The following CNOT6L variants were observed in gnomAD, a reference collection of about 807,000 sequenced individuals.
CNOT6L encodes CCR4-NOT transcription complex subunit 6-like.
In CNOT6L, 7 loss-of-function variants were observed where a neutral mutation model predicts 64.0. The observed-to-expected ratio is 0.11, with a 90% CI of 0.06 to 0.21. The LOEUF is 0.21. Ranked by LOEUF, CNOT6L falls within the 10% of genes least tolerant of loss-of-function variation. The pLI is 1.00. For synonymous variants in CNOT6L, 193 were observed against 243.4 expected, an observed-to-expected ratio of 0.79 and a Z score of 1.93; for missense variants, 245 against 669.0, an observed-to-expected ratio of 0.37 and a Z score of 6.99.
intron 6 of CNOT6L, among the ~76,000 whole-genome samples, chr4:77,746,448 G>A (rs1423752916): frequency 6.6e-6 from 1 of 152,068 alleles, no homozygotes; most frequent in Non-Finnish European, 1.5e-5. Flanking sequence ...TGCATCAGAA[G>A]TAAAATGCAT....
chr4:77,810,313 A>G (rs1429837946), intron 1 of CNOT6L, among the ~76,000 whole-genome samples: 1 of 152,212 alleles, frequency 6.6e-6, no homozygotes, highest in African/African-American at 2.4e-5. Context: ...ACTTTACCTT[A>G]CTGAGCAAAG....
intron 5 of CNOT6L, among the ~76,000 whole-genome samples, chr4:77,750,719 A>G (rs1724762031): frequency 6.6e-6 from 1 of 152,222 alleles, no homozygotes. Flanking sequence ...TGACAAAACA[A>G]AGAAATAAAG....
At chr4:77,778,303 T>C (rs936124204) in intron 1 of CNOT6L, among the ~76,000 whole-genome samples, 1 of 152,040 alleles carries the variant, frequency 6.6e-6, no homozygotes, top group Non-Finnish European at 1.5e-5. Flanking sequence ...CCAAATCAAA[T>C]AGATCTAGAT....
chr4:77,818,903 C>T (rs1245400086), intron 1 of CNOT6L: 6 of 534,428 alleles, frequency 1.1e-5, no homozygotes, highest in Non-Finnish European at 2.1e-5. Flanking sequence ...GCAGCTCTCC[C>T]AGCCCCGCTG....
intron 4 of CNOT6L, among the ~76,000 whole-genome samples, chr4:77,760,795 C>T (rs1418177442): frequency 6.9e-6 from 1 of 145,788 alleles, no homozygotes; most frequent in Non-Finnish European, 1.5e-5. Flanking sequence ...CTCCCAGGTT[C>T]ACGCCATTCT....
chr4:77,779,903 G>A (rs1431387064), intron 1 of CNOT6L, among the ~76,000 whole-genome samples: 1 of 152,180 alleles, frequency 6.6e-6, no homozygotes, highest in African/African-American at 2.4e-5. Context: ...GGCGGAGCTT[G>A]CAGTGAGACG....
chr4:77,732,595 G>A (rs1364467511), intron 8 of CNOT6L, among the ~76,000 whole-genome samples: 1 of 151,978 alleles, frequency 6.6e-6, no homozygotes, highest in East Asian at 1.9e-4. Context: ...CGTGTCAGCT[G>A]GACTGACAAG....
At chr4:77,801,313 A>G (rs1731522313) in intron 1 of CNOT6L, among the ~76,000 whole-genome samples, 1 of 152,194 alleles carries the variant, frequency 6.6e-6, no homozygotes, top group Non-Finnish European at 1.5e-5. Context: ...CAAAAGCAAC[A>G]AAGCAAACTA....
chr4:77,814,312 T>G (rs986811816), intron 1 of CNOT6L, among the ~76,000 whole-genome samples: 2 of 152,186 alleles, frequency 1.3e-5, no homozygotes, highest in African/African-American at 4.8e-5. Flanking sequence ...GTTGCACAAT[T>G]GTTAATATAC....
chr4:77,715,316 T>C lies in CNOT6L; in HGVS notation c.*5115A>G, dbSNP rs914075693. ...TGTTTCTGATGACATACTTCTAAAA[T>C]GCAGTTCAATGCTACTCAGTTTATA... is the stretch of plus-strand genomic sequence containing the variant. On this transcript the variant is annotated 3_prime_UTR_variant, in exon 12 of 12. Coordinates refer to ENST00000504123, the MANE Select transcript of CNOT6L (RefSeq NM_144571.3). 2 of 152,066 alleles carry C rather than the reference T, an allele frequency of 1.3e-5. No individual in the cohort carries two copies. Among genetic ancestry groups the C allele is most frequent in the South Asian group, 2.1e-4 (1 of 4,830 alleles). The allele number at this position is 152,066 out of a possible 1,614,324, so 9.4% of individuals were successfully genotyped here.
chr4:77,725,023 C>G (rs1450462044), intron 11 of CNOT6L, among the ~76,000 whole-genome samples: 1 of 152,100 alleles, frequency 6.6e-6, no homozygotes, highest in Non-Finnish European at 1.5e-5. Flanking sequence ...GAGCTTTTTC[C>G]CAAAAAGCTC....
At chr4:77,804,155 C>G (rs183906887) in intron 1 of CNOT6L, among the ~76,000 whole-genome samples, 1 of 152,158 alleles carries the variant, frequency 6.6e-6, no homozygotes, top group Non-Finnish European at 1.5e-5. Context: ...TGGCCGGGCA[C>G]AGTGGTTCAT....
In CNOT6L at chr4:77,774,664, C is replaced by T. The variant is rs1420119739; in HGVS notation, c.180G>A (p.Ala60=). The change falls in exon 3 of 12, where the codon GCG becomes GCA. Residue 60 remains alanine (A), a synonymous_variant. Transcript: ENST00000504123. ...TSLWSLTHLT[A]LHLNDNYLSR... ...TAAGGTAATTGTCATTTAGGTGCAG[C>T]GCTGTCAAGTGTGTCAATGACCAAA... is the stretch of plus-strand genomic sequence containing the variant. The T allele has an allele frequency of 3.7e-6, 6 of 1,612,902 alleles. No individual in the cohort carries two copies. The South Asian group carries it at 4.4e-5, about 12-fold the overall frequency.
At chr4:77,723,659 CTATT>C (rs1174486218) in intron 11 of CNOT6L, among the ~76,000 whole-genome samples, 4 of 152,122 alleles carry the variant, frequency 2.6e-5, no homozygotes, top group Admixed American at 2.0e-4. Context: ...TCCAGCCAGC[CTATT>C]TATCTTCCCA....
chr4:77,800,592 C>T (rs567425645), intron 1 of CNOT6L, among the ~76,000 whole-genome samples: 2 of 152,206 alleles, frequency 1.3e-5, no homozygotes, highest in Non-Finnish European at 2.9e-5. Flanking sequence ...TAACAGCCAT[C>T]CCATACTTTT....
chr4:77,809,786 A>G (rs945981514), intron 1 of CNOT6L, among the ~76,000 whole-genome samples: 2 of 152,164 alleles, frequency 1.3e-5, no homozygotes, highest in Non-Finnish European at 2.9e-5. Flanking sequence ...TTTAAGTAAT[A>G]TGGGAAAGAG....
chr4:77,818,888 G>C, intron 1 of CNOT6L: 1 of 458,366 alleles, frequency 2.2e-6, no homozygotes, highest in Non-Finnish European at 4.1e-6. Context: ...GCGCGGCACC[G>C]ACCAGCAGCT....
At position 77,725,265 on chromosome 4, in the gene CNOT6L, G is replaced by C. The variant is rs111956439; in HGVS notation, c.1455+902C>G. On this transcript the variant is annotated intron_variant, in intron 11 of 11. Transcript: ENST00000504123. Reference sequence around the variant, plus strand: ...GCTAACCCACACAAAAATAGAAAAAGGTTATTGGAAATATAAGGGAGGCCA... The same window carrying C: ...GCTAACCCACACAAAAATAGAAAAACGTTATTGGAAATATAAGGGAGGCCA... Among the ~76,000 whole-genome samples the C allele has an allele frequency of 5.8e-4, 88 of 152,178 alleles. 1 individual carries two copies. The highest frequency in any genetic ancestry group is 2.0e-3 in the African/African-American group (84 of 41,526).
chr4:77,747,404 C>A (rs1157767940), intron 6 of CNOT6L, among the ~76,000 whole-genome samples: 3 of 152,094 alleles, frequency 2.0e-5, no homozygotes, highest in Non-Finnish European at 4.4e-5. Flanking sequence ...CTGGCCTCAA[C>A]AGATCTGCCC....
Sources: allele counts gnomAD v4.1 joint callset (sites outside exome capture counted in the v4.1 genomes callset), GRCh38; gene constraint gnomAD v4.1.1; transcripts MANE v1.5; gene names NCBI Gene and HGNC (gene_info 2026-07-23, HGNC 2026-07-21).